The following SCN11A variants were observed in gnomAD, a reference collection of about 807,000 sequenced individuals.
SCN11A encodes the protein sodium channel protein type 11 subunit alpha.
Under a neutral mutation model 162.2 loss-of-function variants are expected in SCN11A, and 122 were observed. The observed-to-expected ratio is 0.75, with a 90% CI of 0.65 to 0.87. The LOEUF (loss-of-function observed/expected upper bound fraction) is 0.87. SCN11A is among the 40% of genes least tolerant of loss of function. SCN11A has a pLI of 0.00. For synonymous variants in SCN11A, 758 were observed against 751.5 expected (o/e 1.01, Z -0.14); for missense variants, 2,015 against 2,181.6 (o/e 0.92, Z 1.52).
At chr3:38,884,976 T>C (rs1209996556) in intron 21 of SCN11A, among the ~76,000 whole-genome samples, 1 of 152,216 alleles carries the variant, frequency 6.6e-6, no homozygotes, top group African/African-American at 2.4e-5. Flanking sequence ...AAATACACCC[T>C]GACATTGAAT....
intron 2 of SCN11A, among the ~76,000 whole-genome samples, chr3:38,995,044 T>C (rs144815864): frequency 5.3e-4 from 81 of 152,158 alleles, no homozygotes; most frequent in Non-Finnish European, 1.1e-3. Context: ...GCTAACAAGC[T>C]TGACAGGAAA....
intron 11 of SCN11A, among the ~76,000 whole-genome samples, chr3:38,918,297 C>T (rs1049110597): frequency 2.1e-4 from 32 of 152,122 alleles, no homozygotes; most frequent in Admixed American, 5.9e-4. Flanking sequence ...AAACCCGGGC[C>T]CCAGAGCAGT....
intron 19 of SCN11A, among the ~76,000 whole-genome samples, chr3:38,893,693 C>A (rs998168654): frequency 6.6e-6 from 1 of 151,100 alleles, no homozygotes; most frequent in Non-Finnish European, 1.5e-5. Context: ...GAGTGAAATT[C>A]GAAATTAATA....
intron 1 of SCN11A, among the ~76,000 whole-genome samples, 182 bp from the exon 2 acceptor site, chr3:39,032,685 T>C (rs2031790725): frequency 6.6e-6 from 1 of 152,226 alleles, no homozygotes; most frequent in African/African-American, 2.4e-5. Context: ...TAGGAAATTA[T>C]AACACTTTGC....
In SCN11A at chr3:38,921,187, A is replaced by G. The variant is rs771965444; in HGVS notation, c.781T>C (p.Phe261Leu). Reference sequence around the variant, plus strand: ...AGGGCAAAGATGCTGAGGCAAAAGAAGGTGAGGATAATCACGTTGACCAGC... The same window carrying G: ...AGGGCAAAGATGCTGAGGCAAAAGAGGGTGAGGATAATCACGTTGACCAGC... Reference protein sequence around the residue: ...KKLVNVIILTFFCLSIFALVG... With the variant: ...KKLVNVIILTLFCLSIFALVG... Residue 261 changes from phenylalanine to leucine, a missense_variant, in exon 10 of 30, where the codon TTC becomes CTC. Transcript: ENST00000302328. 3.7e-6 allele frequency: 6 copies of G among 1,614,004 alleles called. No individual in the cohort carries two copies. In the East Asian group the frequency reaches 1.1e-4, roughly 30 times the overall value.
chr3:38,987,872 C>T (rs548075997), intron 2 of SCN11A, among the ~76,000 whole-genome samples: 3 of 152,216 alleles, frequency 2.0e-5, no homozygotes, highest in African/African-American at 7.2e-5. Context: ...ATTTCACTGC[C>T]CTGTTTCTGT....
chr3:39,033,316 A>G (rs2031813568), intron 1 of SCN11A, among the ~76,000 whole-genome samples: 1 of 149,614 alleles, frequency 6.7e-6, no homozygotes, highest in African/African-American at 2.5e-5. Context: ...TTTACTTTTT[A>G]TATTTACTAC....
At chr3:38,966,936 G>A (rs774166334) in intron 2 of SCN11A, among the ~76,000 whole-genome samples, 13 of 152,332 alleles carry the variant, frequency 8.5e-5, no homozygotes, top group Admixed American at 2.6e-4. Context: ...TCCAGTGTGG[G>A]AGTTTATTTG....
At chr3:39,009,046 A>T (rs76347553) in intron 2 of SCN11A, among the ~76,000 whole-genome samples, 1 of 152,066 alleles carries the variant, frequency 6.6e-6, no homozygotes, top group African/African-American at 2.4e-5. Flanking sequence ...TCCTTCTCTC[A>T]TAAGTATACA....
chr3:38,884,224 CCTGGCTTTTAT>C (rs2065357582), intron 21 of SCN11A, among the ~76,000 whole-genome samples: 1 of 152,066 alleles, frequency 6.6e-6, no homozygotes, highest in Non-Finnish European at 1.5e-5. Context: ...ACACTTTTTT[CCTGGCTTTTAT>C]CCCACTCCTC....
chr3:38,925,494 A>C lies in SCN11A; in HGVS notation c.633T>G (p.Ile211Met), dbSNP rs749970639. 3 of 1,612,402 alleles carry C rather than the reference A, an allele frequency of 1.9e-6. No homozygotes were observed. Among genetic ancestry groups the C allele is most frequent in the Non-Finnish European group, 2.5e-6 (3 of 1,178,434 alleles). Reference sequence around the variant, plus strand: ...GCAATAGTTTGATGGTGATTCCTGGAATATATGACACAATCCTACAAGACA... The same window carrying C: ...GCAATAGTTTGATGGTGATTCCTGGCATATATGACACAATCCTACAAGACA... ...IVIGIAIVSY[I>M]PGITIKLLPL... The change falls in exon 9 of 30, where the codon ATT becomes ATG. Residue 211 changes from isoleucine to methionine, a missense_variant. By Grantham distance (10) the Ile-to-Met change is conservative. Transcript: ENST00000302328.
In SCN11A at chr3:38,847,255, C is replaced by A; in HGVS notation, c.4815G>T (p.Glu1605Asp). Residue 1605 changes from glutamate to aspartate, a missense_variant, in exon 30 of 30, where the codon GAG becomes GAT. Glu to Asp is a conservative substitution (Grantham distance 45). Transcript: ENST00000302328. Reference sequence around the variant, plus strand: ...TTTCTTCAGTGGCTGTATTGAAGTTCTCTAAAATCACAGCAATGTACATGT... The same window carrying A: ...TTTCTTCAGTGGCTGTATTGAAGTTATCTAAAATCACAGCAATGTACATGT... Reference protein sequence around the residue: ...VVNMYIAVILENFNTATEESE... With the variant: ...VVNMYIAVILDNFNTATEESE... 1 of 1,614,102 alleles carries A rather than the reference C, an allele frequency of 6.2e-7. No individual in the cohort carries two copies. Among genetic ancestry groups the A allele is most frequent in the Non-Finnish European group, 8.5e-7 (1 of 1,179,962 alleles).
At chr3:38,933,007 G>C (rs2066269747) in intron 7 of SCN11A, among the ~76,000 whole-genome samples, 3 of 152,196 alleles carry the variant, frequency 2.0e-5, no homozygotes, top group African/African-American at 7.2e-5. Flanking sequence ...ACACGGCCGG[G>C]TACTCCTCTG....
At chr3:38,869,567 A>G (rs2065092582) in intron 26 of SCN11A, among the ~76,000 whole-genome samples, 1 of 152,142 alleles carries the variant, frequency 6.6e-6, no homozygotes. Flanking sequence ...GCTATGCATC[A>G]TCTGTATATT....
chr3:38,894,809 G>A lies in SCN11A; in HGVS notation c.2559C>T (p.Phe853=). ...TTTGCTTCCTGCACCACTTGTGACA[G>A]AAATGCTCAAGAGTGTGTCTCACAA... is the stretch of plus-strand genomic sequence containing the variant. ...FCFVRHTLEH[F]CHKWCRKQNL... Residue 853 remains phenylalanine (F), a synonymous_variant, in exon 19 of 30, where the codon TTC becomes TTT. Coordinates refer to ENST00000302328, the MANE Select transcript of SCN11A (RefSeq NM_001349253.2). The A allele has an allele frequency of 6.2e-7, 1 of 1,614,212 alleles. No homozygotes were observed. Among genetic ancestry groups the A allele is most frequent in the Non-Finnish European group, 8.5e-7 (1 of 1,180,038 alleles).
intron 4 of SCN11A, among the ~76,000 whole-genome samples, chr3:38,951,177 C>T (rs1042636692): frequency 1.3e-5 from 2 of 152,246 alleles, no homozygotes; most frequent in Non-Finnish European, 2.9e-5. Flanking sequence ...GGAACCGGGG[C>T]TGCACCCGGC....
chr3:39,033,402 A>G (rs1214819914), intron 1 of SCN11A, among the ~76,000 whole-genome samples: 2 of 152,198 alleles, frequency 1.3e-5, no homozygotes, highest in East Asian at 1.9e-4. Context: ...ATTTTATTGC[A>G]CAAAAATGCT....
At chr3:38,988,996 C>A (rs1465740559) in intron 2 of SCN11A, among the ~76,000 whole-genome samples, 1 of 152,100 alleles carries the variant, frequency 6.6e-6, no homozygotes, top group East Asian at 1.9e-4. Context: ...GGATCTATGT[C>A]CCTTCTCTTG....
chr3:38,936,055 C>G (rs1470040789), intron 7 of SCN11A, among the ~76,000 whole-genome samples: 1 of 152,014 alleles, frequency 6.6e-6, no homozygotes, highest in Non-Finnish European at 1.5e-5. Flanking sequence ...GGATGCAAGG[C>G]TGGTTCAATA....
Sources: gnomAD v4.1 joint callset for allele counts (sites outside exome capture counted in the v4.1 genomes callset) on GRCh38, gnomAD v4.1.1 for gene constraint, MANE v1.5 for transcripts, NCBI Gene and HGNC (gene_info 2026-07-23, HGNC 2026-07-21) for gene names.